The following KSR2 variants were observed in gnomAD, a reference collection of about 807,000 sequenced individuals.
The protein encoded by KSR2 is kinase suppressor of ras 2.
Under a neutral mutation model 107.8 loss-of-function variants are expected in KSR2, and 25 were observed. The ratio of observed to expected loss-of-function variants is 0.23; its 90% CI spans 0.17 to 0.32. KSR2 has a LOEUF of 0.32. Among genes scored for constraint, KSR2 ranks in the 10% least tolerant of loss-of-function variants. The probability of loss-of-function intolerance (pLI) is 1.00; values close to 1 mark genes in which losing one functional copy is unlikely to be tolerated. For missense variants in KSR2, 887 were observed against 1,268.9 expected (o/e 0.70, Z 4.57); for synonymous variants, 480 against 507.0 (o/e 0.95, Z 0.71).
intron 5 of KSR2, among the ~76,000 whole-genome samples, chr12:117,626,883 G>A (rs1882548243): frequency 6.6e-6 from 1 of 152,080 alleles, no homozygotes; most frequent in Non-Finnish European, 1.5e-5. Flanking sequence ...ATGAATCTAG[G>A]TGCTCCTGTA....
intron 3 of KSR2, among the ~76,000 whole-genome samples, chr12:117,807,519 T>C (rs1393378372): frequency 6.6e-6 from 1 of 152,240 alleles, no homozygotes; most frequent in East Asian, 1.9e-4. Context: ...TTTTGGAGAT[T>C]CTACAAGCAA....
At chr12:117,498,872 G>A (rs867018354) in intron 14 of KSR2, among the ~76,000 whole-genome samples, 23 of 152,334 alleles carry the variant, frequency 1.5e-4, no homozygotes, top group Admixed American at 5.9e-4. Flanking sequence ...CCCCAGCCAT[G>A]TGGAACTGTG....
At chr12:117,688,230 A>G (rs905690100) in intron 4 of KSR2, among the ~76,000 whole-genome samples, 2 of 152,064 alleles carry the variant, frequency 1.3e-5, no homozygotes, top group South Asian at 4.2e-4. Flanking sequence ...AAATACAAAA[A>G]CTGGCCAGGA....
At chr12:117,651,167 A>T (rs1476208539) in intron 5 of KSR2, among the ~76,000 whole-genome samples, 1 of 152,048 alleles carries the variant, frequency 6.6e-6, no homozygotes, top group Non-Finnish European at 1.5e-5. Context: ...CCCCTCCCCA[A>T]CCCATGCTGC....
At chr12:117,697,973 C>T (rs570304160) in intron 4 of KSR2, among the ~76,000 whole-genome samples, 21 of 152,158 alleles carry the variant, frequency 1.4e-4, no homozygotes, top group African/African-American at 4.8e-4. Flanking sequence ...GACACAGAGA[C>T]ACGCACAGAG....
intron 9 of KSR2, among the ~76,000 whole-genome samples, chr12:117,546,671 T>G (rs2137305783): frequency 6.6e-6 from 1 of 152,342 alleles, no homozygotes; most frequent in East Asian, 1.9e-4. Flanking sequence ...ATTTTCTCTC[T>G]GTTATCCAGA....
Position 117,903,345 on chromosome 12 carries a change from A to C in KSR2, c.181-42914T>G, listed in dbSNP as rs147267596. Reference sequence around the variant, plus strand: ...TTTGCATATAACAGTATAGTGACAAATAGGGTATGGCCATTGAGTCACCCG... The same window carrying C: ...TTTGCATATAACAGTATAGTGACAACTAGGGTATGGCCATTGAGTCACCCG... On this transcript the variant is annotated intron_variant, in intron 1 of 19. Transcript: ENST00000339824. Among the ~76,000 whole-genome samples the C allele has an allele frequency of 6.3e-3, 956 of 152,348 alleles. 9 individuals are homozygous for C. Among genetic ancestry groups the C allele is most frequent in the African/African-American group, 0.021 (892 of 41,578 alleles).
intron 3 of KSR2, among the ~76,000 whole-genome samples, chr12:117,854,925 T>A (rs1018374935): frequency 1.3e-5 from 2 of 152,122 alleles, no homozygotes; most frequent in African/African-American, 4.8e-5. Flanking sequence ...TTTTTTAAAG[T>A]ATACATATAT....
intron 4 of KSR2, among the ~76,000 whole-genome samples, chr12:117,734,339 T>A (rs1414073119): frequency 6.6e-6 from 1 of 150,742 alleles, no homozygotes; most frequent in Non-Finnish European, 1.5e-5. Context: ...ATTATTTCTC[T>A]GGAATGTACA....
At chr12:117,914,482 G>A (rs373375113) in intron 1 of KSR2, among the ~76,000 whole-genome samples, 1 of 150,754 alleles carries the variant, frequency 6.6e-6, no homozygotes, top group Non-Finnish European at 1.5e-5. Context: ...TCTATGCAAA[G>A]CTCTTCAGCA....
intron 4 of KSR2, among the ~76,000 whole-genome samples, chr12:117,684,508 C>T (rs1885489750): frequency 6.6e-6 from 1 of 152,128 alleles, no homozygotes; most frequent in Non-Finnish European, 1.5e-5. Flanking sequence ...CAATTTTCCT[C>T]GATGCCATGA....
chr12:117,885,273 C>T (rs895913637), intron 1 of KSR2, among the ~76,000 whole-genome samples: 2 of 152,282 alleles, frequency 1.3e-5, no homozygotes, highest in African/African-American at 4.8e-5. Context: ...GTGCTTTCTA[C>T]GTAGAAGGCA....
intron 3 of KSR2, among the ~76,000 whole-genome samples, chr12:117,777,088 T>TATATATA (rs1889713061): frequency 2.3e-5 from 3 of 132,568 alleles, no homozygotes; most frequent in Admixed American, 7.7e-5. Flanking sequence ...TATATATATT[T>TATATATA]TATATATATA....
rs1354461695 is a variant in KSR2, at chr12:117,706,052, T to C, written c.987-38394A>G. Among the ~76,000 whole-genome samples the C allele has an allele frequency of 1.3e-4, 20 of 149,218 alleles. No individual in the cohort carries two copies. The East Asian group carries it at 2.9e-3, about 22-fold the overall frequency. On this transcript the variant is annotated intron_variant, in intron 4 of 19. Coordinates refer to ENST00000339824, the MANE Select transcript of KSR2 (RefSeq NM_173598.6). ...GTGTTGTTGGGTCTTTTTTTTTTTT[T>C]TTTTTTTTTGAGACGGAGTCCTGCT... is the stretch of plus-strand genomic sequence containing the variant.
At chr12:117,583,274 T>C (rs187391627) in intron 5 of KSR2, among the ~76,000 whole-genome samples, 3 of 148,310 alleles carry the variant, frequency 2.0e-5, no homozygotes, top group Non-Finnish European at 4.5e-5. Flanking sequence ...AATGGATGGA[T>C]AGGTGGGTGG....
chr12:117,892,870 A>T (rs996489413), intron 1 of KSR2, among the ~76,000 whole-genome samples: 1 of 150,986 alleles, frequency 6.6e-6, no homozygotes, highest in Admixed American at 6.6e-5. Context: ...TTGCATCTCT[A>T]CTCCAAATGC....
At chr12:117,722,935 G>A (rs1244303961) in intron 4 of KSR2, among the ~76,000 whole-genome samples, 3 of 152,156 alleles carry the variant, frequency 2.0e-5, no homozygotes, top group Admixed American at 6.5e-5. Flanking sequence ...AAGAGAGTGC[G>A]AGAAGTATCC....
intron 4 of KSR2, among the ~76,000 whole-genome samples, chr12:117,684,810 T>G (rs1181188169): frequency 2.0e-5 from 3 of 152,226 alleles, no homozygotes; most frequent in African/African-American, 7.2e-5. Flanking sequence ...AATTAATGTA[T>G]GCAGATCACA....
chr12:117,728,904 C>T (rs1466955644), intron 4 of KSR2, among the ~76,000 whole-genome samples: 8 of 152,360 alleles, frequency 5.3e-5, no homozygotes, highest in Non-Finnish European at 1.0e-4. Flanking sequence ...CTGAGACTTG[C>T]TTCTTACCTG....
Sources: allele counts gnomAD v4.1 joint callset (sites outside exome capture counted in the v4.1 genomes callset), GRCh38; gene constraint gnomAD v4.1.1; transcripts MANE v1.5; gene names NCBI Gene and HGNC (gene_info 2026-07-23, HGNC 2026-07-21).